IL5RA: variants seen among roughly 807,000 people sequenced by gnomAD.
IL5RA encodes interleukin 5 receptor subunit alpha.
A neutral mutation model predicts 50.0 loss-of-function variants in IL5RA; 49 were observed. The observed-to-expected ratio is 0.98, with a 90% confidence interval of 0.78 to 1.24. The LOEUF is 1.24. Ranked by LOEUF, IL5RA falls within the 50% of genes most tolerant of loss-of-function variation. The probability of loss-of-function intolerance (pLI) is 0.00; values close to 1 mark genes in which losing one functional copy is unlikely to be tolerated. For missense variants in IL5RA, 600 were observed against 500.4 expected (o/e 1.20, Z -1.90); for synonymous variants, 202 against 174.0 (o/e 1.16, Z -1.26).
chr3:3,093,068 C>T (rs750756053), intron 8 of IL5RA, among the ~76,000 whole-genome samples: 16 of 152,130 alleles, frequency 1.1e-4, no homozygotes, highest in Non-Finnish European at 2.4e-4. Context: ...AGACATATTT[C>T]TCTATTGTGT....
At chr3:3,105,801 G>T (rs561733890) in intron 2 of IL5RA, among the ~76,000 whole-genome samples, 1 of 152,196 alleles carries the variant, frequency 6.6e-6, no homozygotes, top group South Asian at 2.1e-4. Context: ...TCGGCATCCT[G>T]TTCTACATGT....
intron 11 of IL5RA, among the ~76,000 whole-genome samples, chr3:3,070,715 T>C (rs1170407892): frequency 6.6e-6 from 1 of 151,482 alleles, no homozygotes; most frequent in Non-Finnish European, 1.5e-5. Context: ...CCCAAGTAGC[T>C]GGGACTACAA....
intron 9 of IL5RA, among the ~76,000 whole-genome samples, chr3:3,091,033 C>T (rs1269362543): frequency 6.6e-6 from 1 of 152,122 alleles, no homozygotes; most frequent in Admixed American, 6.5e-5. Flanking sequence ...AGAGACGATG[C>T]CCATCTTACT....
At chr3:3,099,035 C>T (rs1449674855) in intron 5 of IL5RA, among the ~76,000 whole-genome samples, 8 of 152,194 alleles carry the variant, frequency 5.3e-5, no homozygotes, top group Admixed American at 3.9e-4. Flanking sequence ...GTATCCCTTT[C>T]CATCCTAGAA....
In IL5RA at chr3:3,095,280, G is replaced by A; in HGVS notation, c.855+19C>T. The A allele has an allele frequency of 6.5e-7, 1 of 1,540,026 alleles. No homozygotes were observed. Among genetic ancestry groups the A allele is most frequent in the Non-Finnish European group, 8.9e-7 (1 of 1,126,970 alleles). The stretch of plus-strand genomic sequence containing the variant: ...AACAAATGTCTGTTATCAAATATTG[G>A]AATAATCTGAGTAATTACCTGCAAA... On this transcript the variant is annotated intron_variant, in intron 8 of 11. Coordinates refer to ENST00000446632, the MANE Select transcript of IL5RA (RefSeq NM_175726.4).
intron 9 of IL5RA, among the ~76,000 whole-genome samples, chr3:3,091,645 T>C (rs147981643): frequency 6.6e-6 from 1 of 152,158 alleles, no homozygotes; most frequent in African/African-American, 2.4e-5. Flanking sequence ...GACAGGAGAA[T>C]CGCTCGAACC....
At position 3,076,240 on chromosome 3, in the gene IL5RA, A is replaced by G. The variant is rs1047396822; in HGVS notation, c.1091+291T>C. The stretch of plus-strand genomic sequence containing the variant: ...TGGAAGACTGAGAAGGAATCAAAAG[A>G]AACCCGCAAGTAGAAACCTTCACAG... On this transcript the variant is annotated intron_variant, in intron 10 of 11. Coordinates refer to ENST00000446632, the MANE Select transcript of IL5RA (RefSeq NM_175726.4). Among the ~76,000 whole-genome samples, 3 of 152,196 alleles carry G rather than the reference A, an allele frequency of 2.0e-5. No homozygotes were observed. The East Asian group carries it at 5.8e-4, about 29-fold the overall frequency.
rs146558760 is a variant in IL5RA at position 3,094,373 on chromosome 3, C to T, written c.855+926G>A. On this transcript the variant is annotated intron_variant, in intron 8 of 11. Transcript: ENST00000446632. ...TAGAATCAGACAGTATTTGTCCTTT[C>T]GTGACTGACTTATTTTGCTTAGCAT... 2.8e-4 allele frequency among the ~76,000 whole-genome samples: 43 copies of T among 152,328 alleles called. No individual in the cohort carries two copies. The East Asian group carries it at 3.9e-3, about 14-fold the overall frequency.
At chr3:3,089,307 G>A (rs952653970) in intron 9 of IL5RA, among the ~76,000 whole-genome samples, 3 of 152,108 alleles carry the variant, frequency 2.0e-5, no homozygotes, top group Non-Finnish European at 2.9e-5. Context: ...TTGGGAACTC[G>A]GTAACTTAGC....
intron 11 of IL5RA, 27 bp from the exon 12 acceptor site, chr3:3,070,338 A>G: frequency 6.6e-7 from 1 of 1,518,272 alleles, no homozygotes; most frequent in Non-Finnish European, 9.1e-7. Flanking sequence ...CTTTCCTTAG[A>G]TGTCTTTTAG....
At chr3:3,093,411 C>T (rs1274328009) in intron 8 of IL5RA, among the ~76,000 whole-genome samples, 2 of 152,154 alleles carry the variant, frequency 1.3e-5, no homozygotes, top group African/African-American at 2.4e-5. Flanking sequence ...TTTGACATTG[C>T]CATGATATCC....
rs371356456 is a variant in IL5RA at position 3,076,582 on chromosome 3, A to G, written c.1040T>C (p.Ile347Thr). The G allele has an allele frequency of 1.6e-5, 26 of 1,612,986 alleles. No homozygotes were observed. In the African/African-American group the frequency reaches 3.2e-4, roughly 20 times the overall value. The change falls in exon 10 of 12, where the codon ATT becomes ACT. Residue 347 changes from isoleucine to threonine, a missense_variant. Transcript: ENST00000446632. ...KPLREWFVIVIMATICFILLI... is the reference protein window; with the variant it reads ...KPLREWFVIVTMATICFILLI... ...CAAGATGAAGCAGATGGTTGCCATA[A>G]TCACAATGACAAACCACTCTCTCAA... is the stretch of plus-strand genomic sequence containing the variant.
intron 6 of IL5RA, 30 bp downstream of exon 6, chr3:3,098,107 T>A (rs1430514303): frequency 2.5e-6 from 4 of 1,613,926 alleles, no homozygotes; most frequent in Non-Finnish European, 3.4e-6. Context: ...AACAACCATT[T>A]GCCTAAGTAA....
intron 9 of IL5RA, among the ~76,000 whole-genome samples, chr3:3,081,439 T>C (rs193267286): frequency 6.6e-6 from 1 of 152,248 alleles, no homozygotes; most frequent in Admixed American, 6.5e-5. Context: ...ATTCAGCAAG[T>C]GGTACATCAG....
intron 9 of IL5RA, among the ~76,000 whole-genome samples, chr3:3,091,482 A>G (rs1217346074): frequency 6.6e-6 from 1 of 152,204 alleles, no homozygotes; most frequent in East Asian, 1.9e-4. Context: ...CTGTAATCCC[A>G]GCACTTTGGG....
At chr3:3,104,835 AT>A in intron 3 of IL5RA, 67 bp downstream of exon 3, 3 of 972,398 alleles carry the variant, frequency 3.1e-6, no homozygotes, top group South Asian at 1.4e-5. Context: ...TTAAGAGGAA[AT>A]AATGTTATCC....
At position 3,067,451 on chromosome 3, in the gene IL5RA, CGT is replaced by C. The variant is rs1702163898; in HGVS notation, c.*2772_*2773del. On this transcript the variant is annotated 3_prime_UTR_variant, in exon 12 of 12. Transcript: ENST00000446632. ...GTCCTAGACACTGCAGATAAAAAGA[CGT>C]ATTTCACACAAGCTCCATCCTCCTG... 1 of 152,214 alleles carries C rather than the reference CGT, an allele frequency of 6.6e-6. No homozygotes were observed. The highest frequency in any genetic ancestry group is 2.1e-4 in the South Asian group (1 of 4,832). 9.4% of individuals were successfully genotyped at this position (152,214 alleles called of 1,614,324 possible).
In IL5RA at chr3:3,074,840, G is replaced by A; in HGVS notation, c.1118C>T (p.Pro373Leu). The change falls in exon 11 of 12, where the codon CCA becomes CTA. Residue 373 changes from proline to leucine, a missense_variant. Physicochemically the swap from Pro to Leu is moderately conservative, Grantham distance 98 (BLOSUM62 -3). Transcript: ENST00000446632. ...KICHLWIKLF[P>L]PIPAPKSNIK... ...ATTACTTTTTGGTGCTGGAATTGGT[G>A]GAAACAACTTGATCCATAAATGACA... 1.9e-6 allele frequency: 3 copies of A among 1,609,208 alleles called. No homozygotes were observed. Among genetic ancestry groups the A allele is most frequent in the Non-Finnish European group, 2.6e-6 (3 of 1,175,604 alleles).
At chr3:3,093,293 GTTACT>G (rs370603511) in intron 8 of IL5RA, among the ~76,000 whole-genome samples, 140 of 152,264 alleles carry the variant, frequency 9.2e-4, no homozygotes, top group African/African-American at 3.2e-3. Flanking sequence ...CAAGCATAAA[GTTACT>G]CCTTTTCCTA....
Sources: gnomAD v4.1 joint callset for allele counts (sites outside exome capture counted in the v4.1 genomes callset) on GRCh38, gnomAD v4.1.1 for gene constraint, MANE v1.5 for transcripts, NCBI Gene and HGNC (gene_info 2026-07-23, HGNC 2026-07-21) for gene names.